The following OPCML variants were observed in gnomAD, a reference collection of about 807,000 sequenced individuals.
OPCML encodes the protein opioid-binding protein/cell adhesion molecule.
In OPCML, 13 loss-of-function variants were observed where a neutral mutation model predicts 37.8. That is an observed-to-expected ratio of 0.34 (90% confidence interval 0.22 to 0.55). The LOEUF is 0.55. Among genes scored for constraint, OPCML ranks in the 20% least tolerant of loss-of-function variants. The pLI, the probability that OPCML is intolerant of heterozygous loss-of-function variation, is 0.91. For synonymous variants in OPCML, 176 were observed against 168.8 expected (o/e 1.04, Z -0.33); for missense variants, 341 against 435.6 (o/e 0.78, Z 1.93).
At chr11:133,467,613 C>T (rs1424269814) in intron 1 of OPCML, among the ~76,000 whole-genome samples, 1 of 152,138 alleles carries the variant, frequency 6.6e-6, no homozygotes, top group African/African-American at 2.4e-5. Flanking sequence ...ACCTCCCTCA[C>T]TCCATGGCAG....
chr11:132,573,165 G>A (rs2096442435), intron 3 of OPCML, among the ~76,000 whole-genome samples: 1 of 150,928 alleles, frequency 6.6e-6, no homozygotes. Flanking sequence ...TCCTATATAC[G>A]AGATCACATA....
At chr11:132,515,773 C>T (rs982108748) in intron 4 of OPCML, among the ~76,000 whole-genome samples, 1 of 152,118 alleles carries the variant, frequency 6.6e-6, no homozygotes, top group Admixed American at 6.5e-5. Context: ...TTCACACTAC[C>T]ATCATTTCTA....
intron 1 of OPCML, among the ~76,000 whole-genome samples, chr11:133,228,648 C>A (rs937477449): frequency 6.6e-6 from 1 of 152,250 alleles, no homozygotes; most frequent in African/African-American, 2.4e-5. Flanking sequence ...GCTTGGGCTG[C>A]CCCTCCTACT....
At chr11:133,461,127 A>G (rs568509125) in intron 1 of OPCML, among the ~76,000 whole-genome samples, 2 of 152,072 alleles carry the variant, frequency 1.3e-5, no homozygotes, top group East Asian at 3.9e-4. Context: ...ATTATACGTA[A>G]TGGTGAAAAA....
chr11:132,960,596 C>A (rs1316468854), intron 1 of OPCML, among the ~76,000 whole-genome samples: 2 of 152,332 alleles, frequency 1.3e-5, no homozygotes, highest in African/African-American at 4.8e-5. Context: ...CTCCCCCTCT[C>A]CATCTGTCTG....
chr11:132,887,810 C>T (rs917029712), intron 2 of OPCML, among the ~76,000 whole-genome samples: 9 of 152,222 alleles, frequency 5.9e-5, no homozygotes, highest in African/African-American at 2.2e-4. Flanking sequence ...GGCACCTCTG[C>T]CAGATCTTCT....
At chr11:133,207,767 C>T (rs938590957) in intron 1 of OPCML, among the ~76,000 whole-genome samples, 1 of 152,168 alleles carries the variant, frequency 6.6e-6, no homozygotes, top group East Asian at 1.9e-4. Flanking sequence ...TGCTATTTGG[C>T]AGCCCAGGCT....
At chr11:132,866,435 A>C (rs898474525) in intron 2 of OPCML, among the ~76,000 whole-genome samples, 1 of 152,212 alleles carries the variant, frequency 6.6e-6, no homozygotes, top group African/African-American at 2.4e-5. Context: ...TCTCTTTTGA[A>C]GCACTGTACC....
At chr11:132,951,065 G>A (rs541271065) in intron 1 of OPCML, among the ~76,000 whole-genome samples, 99 of 152,246 alleles carry the variant, frequency 6.5e-4, no homozygotes, top group African/African-American at 2.2e-3. Flanking sequence ...GCAAACACAG[G>A]GCAGTCGGGC....
At position 133,359,531 on chromosome 11, in the gene OPCML, G is replaced by T. The variant is rs144964080; in HGVS notation, c.61+172733C>A. 3.3e-5 allele frequency among the ~76,000 whole-genome samples: 5 copies of T among 151,136 alleles called. No homozygotes were observed. The East Asian group carries it at 9.6e-4, about 29-fold the overall frequency. ...TATTAAATACTTGAAAAAGTTCTTCGAGGCAGAGTCACCAAAGTCCCCACC... is the reference window on the plus strand; with the variant it reads ...TATTAAATACTTGAAAAAGTTCTTCTAGGCAGAGTCACCAAAGTCCCCACC... On this transcript the variant is annotated intron_variant, in intron 1 of 7. Transcript: ENST00000524381.
chr11:132,945,821 C>T (rs1405230000), intron 1 of OPCML, among the ~76,000 whole-genome samples: 1 of 152,172 alleles, frequency 6.6e-6, no homozygotes, highest in Non-Finnish European at 1.5e-5. Context: ...CTCGCTCTGT[C>T]ACCCAGGCTG....
intron 2 of OPCML, among the ~76,000 whole-genome samples, chr11:132,939,115 A>G (rs1333341789): frequency 6.6e-6 from 1 of 152,154 alleles, no homozygotes; most frequent in Admixed American, 6.5e-5. Flanking sequence ...TTCAGCTTGG[A>G]CAACTGAAAC....
intron 1 of OPCML, among the ~76,000 whole-genome samples, chr11:133,277,879 G>A (rs753661627): frequency 9.2e-5 from 14 of 152,118 alleles, no homozygotes; most frequent in Non-Finnish European, 1.8e-4. Flanking sequence ...TTGTAGGGGA[G>A]GAAAATGAGA....
At chr11:132,761,471 A>G (rs1366798684) in intron 2 of OPCML, among the ~76,000 whole-genome samples, 2 of 152,090 alleles carry the variant, frequency 1.3e-5, no homozygotes, top group Admixed American at 6.5e-5. Flanking sequence ...CTGTTTTCAC[A>G]TAGTCCCTTA....
intron 1 of OPCML, among the ~76,000 whole-genome samples, chr11:133,312,577 C>T (rs751162094): frequency 3.3e-5 from 5 of 152,154 alleles, no homozygotes; most frequent in Admixed American, 6.5e-5. Flanking sequence ...TGATCAAAGA[C>T]AGAATAGCCC....
At chr11:132,931,838 T>C (rs1373519772) in intron 2 of OPCML, among the ~76,000 whole-genome samples, 3 of 152,196 alleles carry the variant, frequency 2.0e-5, no homozygotes, top group South Asian at 4.1e-4. Flanking sequence ...CCTAGGTTCA[T>C]AGCAGCATTA....
At chr11:132,558,635 GT>G (rs758273549) in intron 3 of OPCML, among the ~76,000 whole-genome samples, 28 of 150,664 alleles carry the variant, frequency 1.9e-4, no homozygotes, top group Non-Finnish European at 3.1e-4. Context: ...TCCTGTTTGA[GT>G]TTTGTATTCT....
chr11:132,872,374 G>T (rs1226907490), intron 2 of OPCML, among the ~76,000 whole-genome samples: 1 of 152,142 alleles, frequency 6.6e-6, no homozygotes, highest in Admixed American at 6.5e-5. Context: ...CTGGCGTGCT[G>T]CCAAACGAAT....
chr11:132,929,152 A>G (rs1945101660), intron 2 of OPCML, among the ~76,000 whole-genome samples: 1 of 151,918 alleles, frequency 6.6e-6, no homozygotes, highest in Non-Finnish European at 1.5e-5. Flanking sequence ...GAAAAAAATC[A>G]ACAAAATAAT....
Sources: allele counts gnomAD v4.1 joint callset (sites outside exome capture counted in the v4.1 genomes callset), GRCh38; gene constraint gnomAD v4.1.1; transcripts MANE v1.5; gene names NCBI Gene and HGNC (gene_info 2026-07-23, HGNC 2026-07-21).